The following RALGPS1 variants were observed in gnomAD, a reference collection of about 807,000 sequenced individuals.
RALGPS1 encodes the protein Ral GEF with PH domain and SH3 binding motif 1, also known as ras-specific guanine nucleotide-releasing factor RalGPS1.
In RALGPS1, 19 loss-of-function variants were observed where a neutral mutation model predicts 78.8. The observed-to-expected ratio is 0.24, with a 90% CI of 0.17 to 0.35. The LOEUF (loss-of-function observed/expected upper bound fraction) is 0.35, where lower values mean the gene tolerates loss of function less well. RALGPS1 is among the 10% of genes least tolerant of loss of function. The pLI, the probability that RALGPS1 is intolerant of heterozygous loss-of-function variation, is 1.00. For synonymous variants in RALGPS1, 228 were observed against 256.3 expected (o/e 0.89, Z 1.06); for missense variants, 454 against 688.3 (o/e 0.66, Z 3.81).
intron 8 of RALGPS1, among the ~76,000 whole-genome samples, chr9:127,118,497 G>A (rs2055689218): frequency 6.6e-6 from 1 of 152,216 alleles, no homozygotes; most frequent in South Asian, 2.1e-4. Flanking sequence ...GTCCAGGATG[G>A]CAGCAGGCTG....
intron 7 of RALGPS1, among the ~76,000 whole-genome samples, chr9:127,055,212 ATCTGTCTG>A (rs11281489): frequency 0.38 from 56,849 of 150,988 alleles, 12,334 homozygotes; most frequent in Non-Finnish European, 0.48. Flanking sequence ...CTATCTATCT[ATCTGTCTG>A]TCTGTCTGTC....
chr9:126,996,376 A>G (rs2042758887), intron 4 of RALGPS1, among the ~76,000 whole-genome samples: 1 of 152,244 alleles, frequency 6.6e-6, no homozygotes, highest in African/African-American at 2.4e-5. Flanking sequence ...CAGAAATACA[A>G]ACTACCATCA....
rs1014352682 is a variant in RALGPS1, at chr9:127,222,901, CTT to C, written c.*4136_*4137del. On this transcript the variant is annotated 3_prime_UTR_variant, in exon 19 of 19. Coordinates refer to ENST00000259351, the MANE Select transcript of RALGPS1 (RefSeq NM_014636.3). ...AATCTGTTGCACTCTCCTGGGCTGT[CTT>C]TTTCTCCAGCAGACCCCTGCATGCA... 4 of 152,616 alleles carry C rather than the reference CTT, an allele frequency of 2.6e-5. No homozygotes were observed. Among genetic ancestry groups the C allele is most frequent in the Admixed American group, 2.6e-4 (4 of 15,284 alleles). 9.5% of individuals were successfully genotyped at this position (152,616 alleles called of 1,614,324 possible). A position where few individuals can be genotyped will look rare whatever the true frequency, so the allele number is the denominator to read the frequency against.
At chr9:127,125,411 C>T (rs538468410) in intron 8 of RALGPS1, among the ~76,000 whole-genome samples, 5 of 152,158 alleles carry the variant, frequency 3.3e-5, no homozygotes, top group Admixed American at 6.5e-5. Context: ...TGCTCAAATC[C>T]CAGCTCTCTC....
intron 14 of RALGPS1, among the ~76,000 whole-genome samples, chr9:127,206,860 C>T (rs551979470): frequency 1.3e-5 from 2 of 152,092 alleles, no homozygotes; most frequent in South Asian, 4.2e-4. Flanking sequence ...TCTGAATTCT[C>T]ATGATGCTGT....
intron 3 of RALGPS1, among the ~76,000 whole-genome samples, chr9:126,967,924 A>AT (rs777780665): frequency 3.5e-4 from 53 of 151,622 alleles, no homozygotes; most frequent in South Asian, 1.0e-3. Context: ...TGTTCACTGC[A>AT]TTTTTTCCCA....
Position 127,212,813 on chromosome 9 carries a change from G to A in RALGPS1, c.1446+94G>A, listed in dbSNP as rs542429954. The A allele has an allele frequency of 1.3e-6, 2 of 1,536,412 alleles. No homozygotes were observed. The highest frequency in any genetic ancestry group is 1.4e-5 in the African/African-American group (1 of 72,916). ...GAGGATGGGGGTGGGAAAGGGATCTGTGTGAACTGCGGAGGATGCAGGTGG... is the reference window on the plus strand; with the variant it reads ...GAGGATGGGGGTGGGAAAGGGATCTATGTGAACTGCGGAGGATGCAGGTGG... On this transcript the variant is annotated intron_variant, in intron 16 of 18. Coordinates refer to ENST00000259351, the MANE Select transcript of RALGPS1 (RefSeq NM_014636.3). The surrounding 1 kb of genome is among the most constrained non-coding windows in gnomAD (Gnocchi z 6.0).
chr9:126,954,373 A>G (rs1460495080), intron 1 of RALGPS1, among the ~76,000 whole-genome samples: 1 of 152,178 alleles, frequency 6.6e-6, no homozygotes, highest in African/African-American at 2.4e-5. Flanking sequence ...GCTGCCATCT[A>G]TTACCTCCTA....
At chr9:126,920,014 C>T (rs1428205241) in intron 1 of RALGPS1, among the ~76,000 whole-genome samples, 2 of 152,108 alleles carry the variant, frequency 1.3e-5, no homozygotes, top group Non-Finnish European at 2.9e-5. Context: ...ATTTGTACTC[C>T]CTTGACTTTC....
intron 1 of RALGPS1, among the ~76,000 whole-genome samples, chr9:126,942,523 C>G (rs906851568): frequency 1.3e-5 from 2 of 152,198 alleles, no homozygotes; most frequent in African/African-American, 4.8e-5. Context: ...ATATGCTACT[C>G]CTCACATATA....
chr9:127,048,368 C>A (rs540967784), intron 5 of RALGPS1, among the ~76,000 whole-genome samples: 2 of 152,322 alleles, frequency 1.3e-5, no homozygotes, highest in Admixed American at 1.3e-4. Flanking sequence ...TCTGTCATTA[C>A]CTCTCTCATA....
chr9:127,140,233 G>A (rs1430997297), intron 8 of RALGPS1, among the ~76,000 whole-genome samples: 2 of 152,178 alleles, frequency 1.3e-5, no homozygotes, highest in Non-Finnish European at 2.9e-5. Flanking sequence ...TGACTTTGGG[G>A]CACCCTGGAA....
chr9:127,062,300 G>A (rs1589267166), intron 7 of RALGPS1, among the ~76,000 whole-genome samples: 4 of 152,148 alleles, frequency 2.6e-5, no homozygotes, highest in South Asian at 2.1e-4. Flanking sequence ...GGGTTTCACC[G>A]TGTTTGCCAG....
At chr9:126,921,301 A>G (rs1415806257) in intron 1 of RALGPS1, among the ~76,000 whole-genome samples, 3 of 152,178 alleles carry the variant, frequency 2.0e-5, no homozygotes, top group African/African-American at 7.2e-5. Context: ...GGCTGATATT[A>G]TGGCTCCAGG....
At chr9:126,953,656 A>G (rs74613244) in intron 1 of RALGPS1, among the ~76,000 whole-genome samples, 153 of 152,328 alleles carry the variant, frequency 1.0e-3, no homozygotes, top group African/African-American at 3.1e-3. Context: ...CTGACACCAC[A>G]TAAGTGTCTG....
At chr9:126,956,822 C>T (rs1564304982) in intron 1 of RALGPS1, among the ~76,000 whole-genome samples, 1 of 152,222 alleles carries the variant, frequency 6.6e-6, no homozygotes, top group South Asian at 2.1e-4. Context: ...ATAACACTGA[C>T]ACCGATAGTA....
intron 8 of RALGPS1, among the ~76,000 whole-genome samples, chr9:127,132,209 G>A (rs2057051290): frequency 6.6e-6 from 1 of 152,182 alleles, no homozygotes; most frequent in African/African-American, 2.4e-5. Context: ...TTGACCCTGG[G>A]AAAATGTAGC....
intron 8 of RALGPS1, among the ~76,000 whole-genome samples, chr9:127,153,375 CTTT>C (rs60308901): frequency 0.047 from 4,798 of 102,108 alleles, 165 homozygotes; most frequent in African/African-American, 0.11. Context: ...TAGAGGATTA[CTTT>C]TTTTTTTTTT....
At chr9:127,150,201 CT>C (rs957830982) in intron 8 of RALGPS1, among the ~76,000 whole-genome samples, 1 of 152,206 alleles carries the variant, frequency 6.6e-6, no homozygotes, top group Non-Finnish European at 1.5e-5. Flanking sequence ...TCCCAGCATT[CT>C]TTTGCCTGCA....
Sources: allele counts gnomAD v4.1 joint callset (sites outside exome capture counted in the v4.1 genomes callset), GRCh38; gene constraint gnomAD v4.1.1; non-coding constraint Gnocchi (gnomAD v3.1); transcripts MANE v1.5; gene names NCBI Gene and HGNC (gene_info 2026-07-23, HGNC 2026-07-21).